Variants in CEP20 observed in about 807,000 individuals in gnomAD.
The protein encoded by CEP20 is centrosomal protein 20, also known as FGFR1OP N-terminal like.
Under a neutral mutation model 20.0 loss-of-function variants are expected in CEP20, and 18 were observed. That is an observed-to-expected ratio of 0.90 (90% CI 0.62 to 1.34). CEP20 has a LOEUF of 1.34. Ranked by LOEUF, CEP20 falls within the 40% of genes most tolerant of loss-of-function variation. The pLI is 0.00. For missense variants in CEP20, 215 were observed against 201.6 expected (o/e 1.07, Z -0.40); for synonymous variants, 77 against 73.7 (o/e 1.04, Z -0.23).
In CEP20 at chr16:15,867,437, G is replaced by C; in HGVS notation, c.*3C>G. The C allele has an allele frequency of 6.3e-7, 1 of 1,584,724 alleles. No individual in the cohort carries two copies. The highest frequency in any genetic ancestry group is 8.6e-7 in the Non-Finnish European group (1 of 1,162,968). On this transcript the variant is annotated 3_prime_UTR_variant, in exon 5 of 5. Coordinates refer to ENST00000255759, the MANE Select transcript of CEP20 (RefSeq NM_144600.4). ...TAAGACAAAAGATACCCCAAACAAAGCATTATCTGTTGACTGCCTGAGAAA... is the reference window on the plus strand; with the variant it reads ...TAAGACAAAAGATACCCCAAACAAACCATTATCTGTTGACTGCCTGAGAAA...
At chr16:15,868,284 G>A (rs578251199) in intron 4 of CEP20, among the ~76,000 whole-genome samples, 4 of 152,022 alleles carry the variant, frequency 2.6e-5, no homozygotes, top group Non-Finnish European at 4.4e-5. Context: ...TTAGCCAGGC[G>A]TGGTGGCGGG....
chr16:15,868,399 G>A (rs527771250), intron 4 of CEP20, among the ~76,000 whole-genome samples: 2 of 152,110 alleles, frequency 1.3e-5, no homozygotes, highest in Non-Finnish European at 2.9e-5. Context: ...CTCCAGCCTG[G>A]GCGACAGAGC....
intron 4 of CEP20, among the ~76,000 whole-genome samples, chr16:15,867,942 C>T: frequency 7.0e-6 from 1 of 142,136 alleles, no homozygotes. Context: ...CATTTCACTC[C>T]AGCCTGGGCA....
chr16:15,880,013 C>T, intron 2 of CEP20, 125 bp from the exon 3 acceptor site: 1 of 629,404 alleles, frequency 1.6e-6, no homozygotes, highest in Non-Finnish European at 2.7e-6. Flanking sequence ...ACAACACACA[C>T]CAAGACAGAT....
intron 1 of CEP20, among the ~76,000 whole-genome samples, chr16:15,888,100 A>C (rs952243753): frequency 6.9e-6 from 1 of 145,084 alleles, no homozygotes. Flanking sequence ...AAAAGCAAGG[A>C]GGGGAGGGCT....
At chr16:15,873,673 G>T in intron 3 of CEP20, 46 bp from the exon 4 acceptor site, 1 of 1,558,774 alleles carries the variant, frequency 6.4e-7, no homozygotes, top group Middle Eastern at 1.7e-4. Flanking sequence ...TAATAAATCT[G>T]CATAAACGGG....
intron 3 of CEP20, among the ~76,000 whole-genome samples, chr16:15,874,906 C>T (rs949715925): frequency 6.6e-6 from 1 of 152,150 alleles, no homozygotes; most frequent in African/African-American, 2.4e-5. Context: ...CCTCAGGACA[C>T]TTCAGCAGCC....
intron 4 of CEP20, among the ~76,000 whole-genome samples, chr16:15,869,757 G>A (rs949507299): frequency 3.9e-5 from 6 of 151,918 alleles, no homozygotes; most frequent in Admixed American, 2.6e-4. Flanking sequence ...TAAGAGTTAC[G>A]GAGACAGTAA....
chr16:15,874,519 T>C (rs62031713), intron 3 of CEP20, among the ~76,000 whole-genome samples: 16,279 of 152,232 alleles, frequency 0.11, 921 homozygotes, highest in Middle Eastern at 0.17. Context: ...TTTATATTAG[T>C]ACTCTTGCAT....
chr16:15,881,931 A>G (rs921947289), intron 2 of CEP20, among the ~76,000 whole-genome samples: 1 of 152,032 alleles, frequency 6.6e-6, no homozygotes, highest in Admixed American at 6.6e-5. Context: ...TCCCGCTGCT[A>G]GAGTCTGGAT....
intron 2 of CEP20, 41 bp from the exon 3 acceptor site, chr16:15,879,929 C>G (rs1180581868): frequency 7.4e-7 from 1 of 1,343,132 alleles, no homozygotes; most frequent in East Asian, 2.4e-5. Context: ...GTCTATTAAA[C>G]TAAAAAGCAA....
chr16:15,875,882 T>C (rs879668818), intron 3 of CEP20, among the ~76,000 whole-genome samples: 1 of 151,130 alleles, frequency 6.6e-6, no homozygotes, highest in Non-Finnish European at 1.5e-5. Context: ...GAGGATCACC[T>C]GAGGTCGGGA....
At chr16:15,867,878 CAGG>C (rs2044718686) in intron 4 of CEP20, among the ~76,000 whole-genome samples, 1 of 146,942 alleles carries the variant, frequency 6.8e-6, no homozygotes, top group Admixed American at 7.1e-5. Flanking sequence ...GAGGCTGAGG[CAGG>C]AGAATTGCTT....
rs2045182952 is a variant in CEP20, at chr16:15,884,158, C to T, written c.76G>A (p.Ala26Thr). Residue 26 changes from alanine (A) to threonine (T), a missense_variant, in exon 2 of 5, where the codon GCA (alanine) becomes ACA (threonine). Ala to Thr is a moderately conservative substitution (Grantham distance 58). Coordinates refer to ENST00000255759, the MANE Select transcript of CEP20 (RefSeq NM_144600.4). ...TTGAAAACTTCAGCTCGGATCCTTGCTTTTAAATGCCCTAATACCCCCTTT... is the reference window on the plus strand; with the variant it reads ...TTGAAAACTTCAGCTCGGATCCTTGTTTTTAAATGCCCTAATACCCCCTTT... ...EKKGVLGHLK[A>T]RIRAEVFNAL... 6.2e-7 allele frequency: 1 copy of T among 1,614,038 alleles called. No homozygotes were observed.
chr16:15,869,800 G>C (rs570878046), intron 4 of CEP20, among the ~76,000 whole-genome samples: 18 of 152,210 alleles, frequency 1.2e-4, no homozygotes, highest in Non-Finnish European at 2.5e-4. Context: ...GAAAGCTTAA[G>C]TGTGTTACTG....
In CEP20 at chr16:15,884,175, AC is replaced by A. The variant is rs1434157909; in HGVS notation, c.58del (p.Val20TyrfsTer2). On this transcript the variant is annotated frameshift_variant, in exon 2 of 5. Transcript: ENST00000255759. LOFTEE classifies it high-confidence loss of function. The stretch of plus-strand genomic sequence containing the variant: ...GATCCTTGCTTTTAAATGCCCTAAT[AC>A]CCCCTTTTTTTCCAAGGTGTCCTTT... ...VLKDTLEKKGVLGHLKARIRA... is the reference protein window; with the variant it reads ...VLKDTLEKKGXLGHLKARIRA... 3 of 1,611,762 alleles carry A rather than the reference AC, an allele frequency of 1.9e-6. No individual in the cohort carries two copies. In the African/African-American group the frequency reaches 4.0e-5, roughly 22 times the overall value.
chr16:15,873,660 A>G, intron 3 of CEP20, 33 bp from the exon 4 acceptor site: 2 of 1,588,402 alleles, frequency 1.3e-6, no homozygotes, highest in East Asian at 4.5e-5. Context: ...CAAAACCAAA[A>G]GCTAATAAAT....
intron 4 of CEP20, among the ~76,000 whole-genome samples, chr16:15,872,923 C>T (rs1168766595): frequency 2.0e-5 from 3 of 151,968 alleles, no homozygotes; most frequent in African/African-American, 7.2e-5. Context: ...CAAATGACTT[C>T]TCTATCTGTA....
At chr16:15,869,399 C>T (rs781016116) in intron 4 of CEP20, among the ~76,000 whole-genome samples, 16 of 151,452 alleles carry the variant, frequency 1.1e-4, no homozygotes, top group Non-Finnish European at 2.1e-4. Flanking sequence ...CAACCTCCAC[C>T]TCCTGGGTTC....
Sources: gnomAD v4.1 joint callset for allele counts (sites outside exome capture counted in the v4.1 genomes callset) on GRCh38, gnomAD v4.1.1 for gene constraint, MANE v1.5 for transcripts, NCBI Gene and HGNC (gene_info 2026-07-23, HGNC 2026-07-21) for gene names.